RIMBP2: variants seen among roughly 807,000 people sequenced by gnomAD.
The protein encoded by RIMBP2 is RIMS-binding protein 2.
Under a neutral mutation model 118.6 loss-of-function variants are expected in RIMBP2, and 48 were observed. The observed-to-expected ratio is 0.40, with a 90% CI of 0.32 to 0.51. The LOEUF (loss-of-function observed/expected upper bound fraction) is 0.51, where lower values mean the gene tolerates loss of function less well. Among genes scored for constraint, RIMBP2 ranks in the 20% least tolerant of loss-of-function variants. The probability of loss-of-function intolerance (pLI) is 0.41; values close to 1 mark genes in which losing one functional copy is unlikely to be tolerated. For synonymous variants in RIMBP2, 762 were observed against 742.9 expected, an observed-to-expected ratio of 1.03 and a Z score of -0.42; for missense variants, 1,551 against 1,768.3, an observed-to-expected ratio of 0.88 and a Z score of 2.20.
At chr12:130,401,713 G>T (rs1263882213) in intron 21 of RIMBP2, among the ~76,000 whole-genome samples, 2 of 151,768 alleles carry the variant, frequency 1.3e-5, no homozygotes, top group Non-Finnish European at 2.9e-5. Flanking sequence ...TCCTATCGAG[G>T]GTTTTTAATA....
chr12:130,644,166 T>C (rs78760491), intron 1 of RIMBP2, among the ~76,000 whole-genome samples: 56 of 152,172 alleles, frequency 3.7e-4, no homozygotes, highest in African/African-American at 1.2e-3. Flanking sequence ...GCCTCTCCCA[T>C]TGAGACGAAG....
At position 130,576,642 on chromosome 12, in the gene RIMBP2, G is replaced by A. The variant is rs2058101039; in HGVS notation, c.-217+51680C>T. On this transcript the variant is annotated intron_variant, in intron 2 of 22. Transcript: ENST00000690449. The surrounding 1 kb of genome is among the most constrained non-coding windows in gnomAD (Gnocchi z 4.2). ...CTGGGTCTGGAAAATGGAGAGATGA[G>A]GATGAAGCACGAGCTGGCAGGACAG... Among the ~76,000 whole-genome samples the A allele has an allele frequency of 6.6e-6, 1 of 152,226 alleles. No homozygotes were observed. The highest frequency in any genetic ancestry group is 1.5e-5 in the Non-Finnish European group (1 of 68,038).
chr12:130,709,489 G>C (rs1045597950), intron 1 of RIMBP2, among the ~76,000 whole-genome samples: 1 of 152,226 alleles, frequency 6.6e-6, no homozygotes, highest in African/African-American at 2.4e-5. Flanking sequence ...CACGCAGCTC[G>C]AGCCCTTGGC....
chr12:130,557,374 C>G (rs142095174), intron 2 of RIMBP2, among the ~76,000 whole-genome samples: 1 of 152,182 alleles, frequency 6.6e-6, no homozygotes, highest in African/African-American at 2.4e-5. Flanking sequence ...TCCAGCAGCC[C>G]AAGAAACTCA....
intron 21 of RIMBP2, among the ~76,000 whole-genome samples, chr12:130,402,145 C>T (rs529338213): frequency 2.6e-5 from 4 of 152,348 alleles, no homozygotes; most frequent in Admixed American, 1.3e-4. Flanking sequence ...TCTACCACTG[C>T]GTGCTACTGC....
rs1298354169 is a variant in RIMBP2, at chr12:130,568,190, T to A, written c.-216-50273A>T. Reference sequence around the variant, plus strand: ...TTATAGAAGAAGGCAGGGTTTCTCATAACTTCTAAAGCAAAGCTCAACCAA... The same window carrying A: ...TTATAGAAGAAGGCAGGGTTTCTCAAAACTTCTAAAGCAAAGCTCAACCAA... On this transcript the variant is annotated intron_variant, in intron 2 of 22. Coordinates refer to ENST00000690449, the MANE Select transcript of RIMBP2 (RefSeq NM_001393629.1). 2.6e-5 allele frequency among the ~76,000 whole-genome samples: 4 copies of A among 152,180 alleles called. 1 individual carries two copies. The East Asian group carries it at 7.7e-4, about 29-fold the overall frequency.
chr12:130,536,379 A>G (rs998108606), intron 2 of RIMBP2, among the ~76,000 whole-genome samples: 3 of 152,216 alleles, frequency 2.0e-5, no homozygotes, highest in Non-Finnish European at 2.9e-5. Context: ...TTATTCCAAA[A>G]TAATCCAGCC....
intron 2 of RIMBP2, among the ~76,000 whole-genome samples, chr12:130,520,977 A>AG (rs1461482087): frequency 1.1e-4 from 16 of 152,214 alleles, no homozygotes. Flanking sequence ...TGGTTCCACA[A>AG]GCAGCTCAGC....
chr12:130,507,542 C>T (rs1158791964), intron 3 of RIMBP2, among the ~76,000 whole-genome samples: 2 of 152,306 alleles, frequency 1.3e-5, no homozygotes, highest in East Asian at 3.9e-4. Context: ...TCCACATGAA[C>T]TAGAATGCAT....
At chr12:130,646,062 C>CTT (rs2062873440) in intron 1 of RIMBP2, among the ~76,000 whole-genome samples, 4 of 120,828 alleles carry the variant, frequency 3.3e-5, no homozygotes, top group Admixed American at 8.8e-5. Context: ...TCCCTCACCA[C>CTT]CTGCCTCTCC....
chr12:130,655,976 C>T (rs2063411582), intron 1 of RIMBP2, among the ~76,000 whole-genome samples: 1 of 152,204 alleles, frequency 6.6e-6, no homozygotes, highest in Admixed American at 6.5e-5. Flanking sequence ...TCCTGGAATC[C>T]AGCCCTTCTG....
chr12:130,616,687 C>T (rs984956351), intron 2 of RIMBP2, among the ~76,000 whole-genome samples: 5 of 152,174 alleles, frequency 3.3e-5, no homozygotes, highest in African/African-American at 1.2e-4. Context: ...CTCATCAAGG[C>T]AGAGCCCAGG....
At chr12:130,432,946 G>T (rs545204345) in intron 14 of RIMBP2, among the ~76,000 whole-genome samples, 3 of 152,306 alleles carry the variant, frequency 2.0e-5, no homozygotes, top group African/African-American at 7.2e-5. Flanking sequence ...TCTCAACTGA[G>T]ATGGCCCCTA....
chr12:130,483,239 C>T (rs5016981), intron 4 of RIMBP2, among the ~76,000 whole-genome samples: 4,837 of 7,232 alleles, frequency 0.67, 1,564 homozygotes, highest in East Asian at 0.72. Flanking sequence ...AATACACCCA[C>T]TGTGTGTGTA....
intron 19 of RIMBP2, among the ~76,000 whole-genome samples, chr12:130,409,406 G>A (rs947136682): frequency 1.5e-5 from 2 of 136,844 alleles, no homozygotes; most frequent in Admixed American, 7.9e-5. Context: ...GCAGTGGCGC[G>A]ATCCCGGCTC....
In RIMBP2 at chr12:130,709,314, C is replaced by A. The variant is rs533779512; in HGVS notation, c.-352+6908G>T. ...CTTCCCACAGAGACAATTATTGAGC[C>A]CCAGCCAGGTCTCAGCCACTCGCTG... On this transcript the variant is annotated intron_variant, in intron 1 of 22. Coordinates refer to ENST00000690449, the MANE Select transcript of RIMBP2 (RefSeq NM_001393629.1). Among the ~76,000 whole-genome samples, 21 of 152,330 alleles carry A rather than the reference C, an allele frequency of 1.4e-4. No individual in the cohort carries two copies. In the East Asian group the frequency reaches 2.5e-3, roughly 18 times the overall value.
At chr12:130,433,599 T>C (rs868229242) in intron 14 of RIMBP2, among the ~76,000 whole-genome samples, 11 of 152,314 alleles carry the variant, frequency 7.2e-5, no homozygotes, top group Middle Eastern at 6.8e-3. Context: ...AAGCCATTCA[T>C]TGGAAGCCAG....
intron 19 of RIMBP2, among the ~76,000 whole-genome samples, chr12:130,410,857 C>T (rs1163585868): frequency 2.0e-5 from 3 of 152,144 alleles, no homozygotes; most frequent in African/African-American, 7.2e-5. Context: ...TTTGCCTCTC[C>T]ATATACATTT....
chr12:130,679,651 T>C (rs1173424022), intron 1 of RIMBP2, among the ~76,000 whole-genome samples: 7 of 152,176 alleles, frequency 4.6e-5, no homozygotes, highest in African/African-American at 1.7e-4. Flanking sequence ...TACCCTTTTC[T>C]CTATGGATAC....
Sources: allele counts gnomAD v4.1 joint callset (sites outside exome capture counted in the v4.1 genomes callset), GRCh38; gene constraint gnomAD v4.1.1; non-coding constraint Gnocchi (gnomAD v3.1); transcripts MANE v1.5; gene names NCBI Gene and HGNC (gene_info 2026-07-23, HGNC 2026-07-21).